Variants in TTC27 observed in about 807,000 individuals in gnomAD.
TTC27 encodes tetratricopeptide repeat protein 27.
A neutral mutation model predicts 115.9 loss-of-function variants in TTC27; 79 were observed. The ratio of observed to expected loss-of-function variants is 0.68; its 90% CI spans 0.57 to 0.82. The LOEUF is 0.82. Ranked by LOEUF, TTC27 falls within the 40% of genes least tolerant of loss-of-function variation. TTC27 has a pLI of 0.00. For synonymous variants in TTC27, 401 were observed against 356.0 expected (o/e 1.13, Z -1.42); for missense variants, 1,054 against 993.1 (o/e 1.06, Z -0.82).
intron 10 of TTC27, among the ~76,000 whole-genome samples, chr2:32,725,197 C>T (rs1558311702): frequency 6.6e-6 from 1 of 152,128 alleles, no homozygotes; most frequent in Non-Finnish European, 1.5e-5. Context: ...ATCTCATGTC[C>T]TCACATTTCA....
chr2:32,733,982 A>T (rs527787516), intron 11 of TTC27, 59 bp downstream of exon 11: 1 of 1,109,232 alleles, frequency 9.0e-7, no homozygotes, highest in Admixed American at 2.2e-5. Context: ...AGGTAAATGC[A>T]TTATAAATTG....
chr2:32,741,946 A>G (rs1668662534), intron 12 of TTC27, among the ~76,000 whole-genome samples: 1 of 152,230 alleles, frequency 6.6e-6, no homozygotes, highest in African/African-American at 2.4e-5. Context: ...TAGAAATAGG[A>G]ACAAACCTTA....
chr2:32,694,710 T>C (rs1292938257), intron 9 of TTC27, among the ~76,000 whole-genome samples: 1 of 151,598 alleles, frequency 6.6e-6, no homozygotes, highest in East Asian at 1.9e-4. Flanking sequence ...TTTTGCTCTG[T>C]TGCCCAAGCT....
Position 32,820,817 on chromosome 2 carries a change from A to G in TTC27, c.2411A>G (p.Gln804Arg). The G allele has an allele frequency of 6.5e-7, 1 of 1,530,652 alleles. No homozygotes were observed. Among genetic ancestry groups the G allele is most frequent in the South Asian group, 1.3e-5 (1 of 79,740 alleles). 94.8% of individuals were successfully genotyped at this position (1,530,652 alleles called of 1,614,324 possible). A position where few individuals can be genotyped will look rare whatever the true frequency, so the allele number is the denominator to read the frequency against. The change falls in exon 20 of 20, where the codon CAA becomes CGA. Residue 804 changes from glutamine to arginine, a missense_variant and splice_region_variant. Transcript: ENST00000317907. ...NLRGLLSKAK[Q>R]LFTDVATGEM... The stretch of plus-strand genomic sequence containing the variant: ...TCTGCTTTGTTTTTTATATTACAGC[A>G]ACTTTTTACAGATGTGGCAACTGGA...
intron 10 of TTC27, among the ~76,000 whole-genome samples, chr2:32,719,382 A>C (rs991946586): frequency 3.3e-5 from 5 of 152,218 alleles, no homozygotes; most frequent in African/African-American, 1.2e-4. Context: ...GCAACAACCC[A>C]GATAACAGGT....
rs529478060 is a variant in TTC27, at chr2:32,688,546, G to A, written c.1119+9624G>A. On this transcript the variant is annotated intron_variant, in intron 9 of 19. Coordinates refer to ENST00000317907, the MANE Select transcript of TTC27 (RefSeq NM_017735.5). The stretch of plus-strand genomic sequence containing the variant: ...GTATCTCACAAAAGACTTTTACTTA[G>A]CATAAAGACCCCTTTCAACTCAATA... Among the ~76,000 whole-genome samples the A allele has an allele frequency of 3.9e-5, 6 of 152,160 alleles. No homozygotes were observed. The East Asian group carries it at 1.2e-3, about 29-fold the overall frequency.
intron 10 of TTC27, among the ~76,000 whole-genome samples, chr2:32,710,058 C>T (rs571249734): frequency 2.6e-5 from 4 of 152,240 alleles, no homozygotes; most frequent in Non-Finnish European, 4.4e-5. Context: ...CTCTCTCACC[C>T]ACTCTGGAGT....
In TTC27 at chr2:32,698,320, CAG is replaced by C. The variant is rs537175449; in HGVS notation, c.1120-4486_1120-4485del. Among the ~76,000 whole-genome samples, 186 of 151,856 alleles carry C rather than the reference CAG, an allele frequency of 1.2e-3. 1 individual carries two copies. The highest frequency in any genetic ancestry group is 4.3e-3 in the African/African-American group (178 of 41,406). On this transcript the variant is annotated intron_variant, in intron 9 of 19. Coordinates refer to ENST00000317907, the MANE Select transcript of TTC27 (RefSeq NM_017735.5). ...AATTTGATAAATTTTTTTGTAGAGA[CAG>C]GGGCTTGCTATGCTGCCCAGACTGA...
intron 16 of TTC27, among the ~76,000 whole-genome samples, chr2:32,809,438 T>C (rs1671242160): frequency 6.6e-6 from 1 of 152,250 alleles, no homozygotes; most frequent in African/African-American, 2.4e-5. Context: ...GCCTTGCTTC[T>C]CGAAGTGTGC....
At chr2:32,630,439 TG>T (rs1254454534) in intron 1 of TTC27, 83 bp from the exon 2 acceptor site, 7 of 1,076,230 alleles carry the variant, frequency 6.5e-6, no homozygotes, top group Non-Finnish European at 7.9e-6. Flanking sequence ...CACACTAAAA[TG>T]GTAGATTTAC....
At chr2:32,744,158 A>C (rs1276389074) in intron 12 of TTC27, among the ~76,000 whole-genome samples, 2 of 152,242 alleles carry the variant, frequency 1.3e-5, no homozygotes, top group Non-Finnish European at 2.9e-5. Flanking sequence ...TCCAAATTCT[A>C]TGTGGCTCTC....
chr2:32,646,734 T>G (rs1437060088), intron 4 of TTC27, among the ~76,000 whole-genome samples: 1 of 151,556 alleles, frequency 6.6e-6, no homozygotes, highest in Non-Finnish European at 1.5e-5. Flanking sequence ...CAGCTAATTT[T>G]TTGTATTATT....
intron 10 of TTC27, among the ~76,000 whole-genome samples, chr2:32,730,628 T>C (rs1017623572): frequency 4.0e-5 from 6 of 151,748 alleles, no homozygotes; most frequent in African/African-American, 1.5e-4. Flanking sequence ...CTTATTTTTT[T>C]TTTTTTTTTT....
At chr2:32,633,637 C>G (rs1238140113) in intron 2 of TTC27, among the ~76,000 whole-genome samples, 1 of 152,092 alleles carries the variant, frequency 6.6e-6, no homozygotes, top group Non-Finnish European at 1.5e-5. Context: ...CTCCTGGGTT[C>G]AAATGATCCT....
chr2:32,782,460 G>T (rs1367235276), intron 14 of TTC27, among the ~76,000 whole-genome samples, 166 bp from the exon 15 acceptor site: 3 of 152,120 alleles, frequency 2.0e-5, no homozygotes, highest in Admixed American at 6.5e-5. Context: ...AATTATAAAA[G>T]TTCAGTTTGA....
At chr2:32,656,689 C>T (rs1266177186) in intron 5 of TTC27, among the ~76,000 whole-genome samples, 1 of 152,196 alleles carries the variant, frequency 6.6e-6, no homozygotes, top group African/African-American at 2.4e-5. Flanking sequence ...ATGAGACACA[C>T]ATGGACCCCT....
chr2:32,678,945 C>A (rs762639107), intron 9 of TTC27, 23 bp downstream of exon 9: 24 of 1,603,268 alleles, frequency 1.5e-5, no homozygotes, highest in Non-Finnish European at 2.0e-5. Flanking sequence ...TTTTTCTCTT[C>A]CATTTCATTT....
chr2:32,659,545 A>G (rs893653757), intron 5 of TTC27, among the ~76,000 whole-genome samples: 9 of 151,834 alleles, frequency 5.9e-5, no homozygotes, highest in Non-Finnish European at 1.3e-4. Context: ...TTTAATTTTT[A>G]TTTTATTATA....
intron 16 of TTC27, among the ~76,000 whole-genome samples, chr2:32,800,375 G>T (rs1201886957): frequency 6.6e-6 from 1 of 152,032 alleles, no homozygotes; most frequent in Admixed American, 6.5e-5. Context: ...TAGAGATGGG[G>T]TTTCACCATG....
Sources: allele counts gnomAD v4.1 joint callset (sites outside exome capture counted in the v4.1 genomes callset), GRCh38; gene constraint gnomAD v4.1.1; transcripts MANE v1.5; gene names NCBI Gene and HGNC (gene_info 2026-07-23, HGNC 2026-07-21).